Variants in SEMA6D observed in about 807,000 individuals in gnomAD.
SEMA6D encodes the protein semaphorin-6D.
A neutral mutation model predicts 106.6 loss-of-function variants in SEMA6D; 35 were observed. That is an observed-to-expected ratio of 0.33 (90% CI 0.25 to 0.44). SEMA6D has a LOEUF of 0.44. SEMA6D is among the 20% of genes least tolerant of loss of function. The pLI is 1.00. For missense variants in SEMA6D, 1,185 were observed against 1,345.9 expected (o/e 0.88, Z 1.87); for synonymous variants, 499 against 487.7 (o/e 1.02, Z -0.31).
chr15:47,738,681 G>A (rs1377898472), intron 1 of SEMA6D, among the ~76,000 whole-genome samples: 2 of 152,170 alleles, frequency 1.3e-5, no homozygotes, highest in Non-Finnish European at 1.5e-5. Flanking sequence ...AGGATAAAGC[G>A]AGTGCTGAGG....
intron 1 of SEMA6D, among the ~76,000 whole-genome samples, chr15:47,237,411 C>T (rs1486716115): frequency 1.3e-5 from 2 of 149,934 alleles, no homozygotes; most frequent in Admixed American, 6.8e-5. Flanking sequence ...ATGAGACTGT[C>T]ATGATAAACG....
intron 2 of SEMA6D, among the ~76,000 whole-genome samples, chr15:47,424,672 C>T (rs1453124857): frequency 6.6e-6 from 1 of 152,082 alleles, no homozygotes; most frequent in East Asian, 1.9e-4. Context: ...GAGCTAGGTC[C>T]TACTGATGTA....
chr15:47,334,340 T>G (rs185119063), intron 1 of SEMA6D, among the ~76,000 whole-genome samples: 1 of 152,322 alleles, frequency 6.6e-6, no homozygotes, highest in Admixed American at 6.5e-5. Context: ...AAACCCAAAG[T>G]GGGGTTTATG....
At chr15:47,745,909 G>A (rs1437674526) in intron 1 of SEMA6D, among the ~76,000 whole-genome samples, 1 of 152,146 alleles carries the variant, frequency 6.6e-6, no homozygotes, top group Non-Finnish European at 1.5e-5. Context: ...TGTAATAATA[G>A]TACAGAGAGT....
chr15:47,481,016 A>G (rs932607224), intron 3 of SEMA6D, among the ~76,000 whole-genome samples: 1 of 152,182 alleles, frequency 6.6e-6, no homozygotes, highest in Admixed American at 6.6e-5. Context: ...TTATATAATT[A>G]TAAGGCTGCC....
intron 1 of SEMA6D, among the ~76,000 whole-genome samples, chr15:47,750,346 AG>A (rs1257582034): frequency 6.6e-6 from 1 of 152,182 alleles, no homozygotes; most frequent in Non-Finnish European, 1.5e-5. Flanking sequence ...GAGAAAAAAC[AG>A]GTTTCTACAG....
intron 1 of SEMA6D, among the ~76,000 whole-genome samples, chr15:47,305,153 A>G (rs10851449): frequency 0.96 from 146,572 of 152,270 alleles, 70,770 homozygotes; most frequent in Non-Finnish European, 1. Flanking sequence ...CAGAGAATCT[A>G]CACTTTTAAA....
chr15:47,606,733 T>A (rs78991508), intron 4 of SEMA6D, among the ~76,000 whole-genome samples: 3,418 of 152,276 alleles, frequency 0.022, 131 homozygotes, highest in African/African-American at 0.079. Context: ...ATAATGTGAT[T>A]CCTTGGCTAA....
At chr15:47,349,155 C>T (rs948284849) in intron 1 of SEMA6D, among the ~76,000 whole-genome samples, 1 of 151,746 alleles carries the variant, frequency 6.6e-6, no homozygotes, top group Admixed American at 6.6e-5. Context: ...GTGGTTCAGC[C>T]ATAGTCATTT....
At chr15:47,287,173 G>A (rs2035403779) in intron 1 of SEMA6D, among the ~76,000 whole-genome samples, 1 of 152,166 alleles carries the variant, frequency 6.6e-6, no homozygotes, top group African/African-American at 2.4e-5. Flanking sequence ...CCCAGATGGT[G>A]CATTTAAGAG....
At chr15:47,586,208 A>G (rs1181742563) in intron 3 of SEMA6D, among the ~76,000 whole-genome samples, 1 of 152,224 alleles carries the variant, frequency 6.6e-6, no homozygotes, top group Non-Finnish European at 1.5e-5. Flanking sequence ...ATGGCCTCTT[A>G]GATGTATTTT....
At chr15:47,322,074 C>G (rs1043928616) in intron 1 of SEMA6D, among the ~76,000 whole-genome samples, 10 of 152,206 alleles carry the variant, frequency 6.6e-5, no homozygotes, top group Non-Finnish European at 8.8e-5. Context: ...GAATAAGACT[C>G]CAACCCAGAA....
intron 3 of SEMA6D, among the ~76,000 whole-genome samples, chr15:47,496,324 G>A (rs1031844751): frequency 3.3e-5 from 5 of 152,050 alleles, no homozygotes; most frequent in African/African-American, 7.2e-5. Flanking sequence ...AATGGAGGAC[G>A]TATTTTCTGA....
intron 1 of SEMA6D, among the ~76,000 whole-genome samples, chr15:47,391,226 G>A (rs2040018859): frequency 1.3e-5 from 2 of 152,154 alleles, no homozygotes; most frequent in Non-Finnish European, 2.9e-5. Context: ...TGCTCTCTGA[G>A]CTGCTCTTTG....
chr15:47,387,561 A>G (rs1417918000), intron 1 of SEMA6D, among the ~76,000 whole-genome samples: 1 of 152,248 alleles, frequency 6.6e-6, no homozygotes, highest in Non-Finnish European at 1.5e-5. Context: ...CACCTAGTCT[A>G]AAGGAGAAAT....
At chr15:47,228,354 A>G (rs2031954836) in intron 1 of SEMA6D, among the ~76,000 whole-genome samples, 1 of 151,864 alleles carries the variant, frequency 6.6e-6, no homozygotes, top group African/African-American at 2.4e-5. Flanking sequence ...TTTACTGCTT[A>G]TTTCTTTCCT....
chr15:47,582,869 G>T (rs1231979938), intron 3 of SEMA6D, among the ~76,000 whole-genome samples: 1 of 152,024 alleles, frequency 6.6e-6, no homozygotes, highest in East Asian at 1.9e-4. Flanking sequence ...GCATAATCCA[G>T]AATCTTTCAC....
intron 3 of SEMA6D, among the ~76,000 whole-genome samples, chr15:47,520,923 A>G (rs2044552466): frequency 1.3e-5 from 2 of 152,176 alleles, no homozygotes; most frequent in South Asian, 4.1e-4. Flanking sequence ...CCAAGAATTG[A>G]AGAGAAATCT....
intron 3 of SEMA6D, among the ~76,000 whole-genome samples, chr15:47,519,555 A>G (rs2044502411): frequency 6.6e-6 from 1 of 152,228 alleles, no homozygotes; most frequent in Non-Finnish European, 1.5e-5. Flanking sequence ...ACTTGAAAAT[A>G]TGAGACTAGA....
Sources: allele counts gnomAD v4.1 joint callset (sites outside exome capture counted in the v4.1 genomes callset), GRCh38; gene constraint gnomAD v4.1.1; transcripts MANE v1.5; gene names NCBI Gene and HGNC (gene_info 2026-07-23, HGNC 2026-07-21).